Variants in SVOP observed in about 807,000 individuals in gnomAD.
The protein encoded by SVOP is synaptic vesicle 2-related protein.
SVOP carries 17 observed loss-of-function variants against 69.1 expected under a neutral mutation model. The observed-to-expected ratio is 0.25, with a 90% CI of 0.17 to 0.37. SVOP has a LOEUF of 0.37. SVOP is among the 10% of genes least tolerant of loss of function. SVOP has a pLI of 1.00. For synonymous variants in SVOP, 238 were observed against 238.6 expected (o/e 1.00, Z 0.02); for missense variants, 435 against 597.5 (o/e 0.73, Z 2.84).
chr12:108,959,890 C>T (rs1444831043), intron 6 of SVOP, among the ~76,000 whole-genome samples: 1 of 152,228 alleles, frequency 6.6e-6, no homozygotes, highest in Admixed American at 6.5e-5. Flanking sequence ...CCTATTCCAG[C>T]TCCTCCACCA....
intron 1 of SVOP, among the ~76,000 whole-genome samples, chr12:109,012,086 C>T (rs1389947902): frequency 1.3e-5 from 2 of 152,068 alleles, no homozygotes; most frequent in Non-Finnish European, 2.9e-5. Flanking sequence ...AGTTCAAGAC[C>T]AGCCTGGCTG....
intron 3 of SVOP, among the ~76,000 whole-genome samples, chr12:108,977,747 T>C (rs567559985): frequency 7.2e-5 from 11 of 152,084 alleles, no homozygotes; most frequent in Non-Finnish European, 1.0e-4. Context: ...TTAAAAAATA[T>C]GGGCATATCA....
At chr12:108,960,042 A>G (rs1167895752) in intron 6 of SVOP, among the ~76,000 whole-genome samples, 1 of 152,226 alleles carries the variant, frequency 6.6e-6, no homozygotes. Flanking sequence ...AACCGTTTAG[A>G]ACAGCACCTG....
At chr12:108,931,778 G>T (rs893363329) in intron 11 of SVOP, among the ~76,000 whole-genome samples, 1 of 151,616 alleles carries the variant, frequency 6.6e-6, no homozygotes, top group African/African-American at 2.4e-5. Context: ...AGCTTGCAGT[G>T]AGCCGAGATT....
chr12:109,000,002 CA>C (rs1437779967), intron 1 of SVOP, among the ~76,000 whole-genome samples: 3 of 150,032 alleles, frequency 2.0e-5, no homozygotes, highest in African/African-American at 7.3e-5. Context: ...AAAAACCCTT[CA>C]AAAAATTAAT....
intron 11 of SVOP, among the ~76,000 whole-genome samples, chr12:108,925,670 C>T (rs1166465831): frequency 1.3e-5 from 2 of 152,186 alleles, no homozygotes; most frequent in African/African-American, 4.8e-5. Flanking sequence ...ACTTCTTCCC[C>T]TGTTGCTCCA....
chr12:109,003,021 A>AC (rs1453881334), intron 1 of SVOP, among the ~76,000 whole-genome samples: 1 of 151,194 alleles, frequency 6.6e-6, no homozygotes, highest in Non-Finnish European at 1.5e-5. Flanking sequence ...AAATAAAAAA[A>AC]CAAGAAATGC....
intron 2 of SVOP, among the ~76,000 whole-genome samples, chr12:108,979,521 T>C (rs985855425): frequency 1.3e-5 from 2 of 152,198 alleles, no homozygotes; most frequent in East Asian, 1.9e-4. Context: ...GGATTACCGA[T>C]GTGAGCCACC....
chr12:108,943,788 T>A (rs571470757), intron 7 of SVOP, among the ~76,000 whole-genome samples: 8 of 151,156 alleles, frequency 5.3e-5, no homozygotes, highest in African/African-American at 1.5e-4. Context: ...TTCTTCTCCT[T>A]CTTCTTCTTC....
chr12:108,979,468 C>T (rs147680147), intron 2 of SVOP, among the ~76,000 whole-genome samples: 101,716 of 151,818 alleles, frequency 0.67, 34,574 homozygotes, highest in East Asian at 0.79. Flanking sequence ...TCTTGAACTC[C>T]TGAGCTCAAG....
intron 11 of SVOP, among the ~76,000 whole-genome samples, chr12:108,928,753 A>G (rs2039797728): frequency 6.6e-6 from 1 of 151,868 alleles, no homozygotes; most frequent in South Asian, 2.1e-4. Flanking sequence ...GTTTTGATAG[A>G]GACAGGGTTT....
chr12:108,915,872 C>A lies in SVOP; in HGVS notation c.1351G>T (p.Val451Phe). Reference protein sequence around the residue: ...FQAAYVYTPEVYPTATRALGL... With the variant: ...FQAAYVYTPEFYPTATRALGL... ...AGGGCCCGCGTTGCCGTGGGGTAGA[C>A]CTGAAACACAGCAGCCGGATATAGG... The change falls in exon 15 of 16, where the codon GTC becomes TTC. Residue 451 changes from valine (V) to phenylalanine (F), a missense_variant and splice_region_variant. By Grantham distance (50) the Val-to-Phe change is conservative (BLOSUM62 -1). Coordinates refer to ENST00000610966, the MANE Select transcript of SVOP (RefSeq NM_018711.5). 1 of 1,599,942 alleles carries A rather than the reference C, an allele frequency of 6.3e-7. No homozygotes were observed. The highest frequency in any genetic ancestry group is 8.5e-7 in the Non-Finnish European group (1 of 1,173,544).
At chr12:108,997,325 C>T (rs969508560) in intron 1 of SVOP, among the ~76,000 whole-genome samples, 25 of 152,258 alleles carry the variant, frequency 1.6e-4, no homozygotes, top group South Asian at 1.2e-3. Flanking sequence ...CACGGAGTCT[C>T]GCTGATTGCT....
At chr12:109,003,203 TG>T (rs1355767206) in intron 1 of SVOP, among the ~76,000 whole-genome samples, 2 of 152,112 alleles carry the variant, frequency 1.3e-5, no homozygotes, top group East Asian at 3.9e-4. Flanking sequence ...TGGTTTCTTC[TG>T]GGGAGGAGAA....
intron 6 of SVOP, among the ~76,000 whole-genome samples, chr12:108,960,542 T>C (rs2040012340): frequency 6.6e-6 from 1 of 152,066 alleles, no homozygotes; most frequent in Non-Finnish European, 1.5e-5. Context: ...TTACCCACCA[T>C]GTGATTCAGA....
intron 1 of SVOP, among the ~76,000 whole-genome samples, chr12:109,016,683 C>T (rs2040369345): frequency 6.6e-6 from 1 of 152,074 alleles, no homozygotes; most frequent in Non-Finnish European, 1.5e-5. Flanking sequence ...CTCAGGGAAG[C>T]CTTCCCTGAT....
intron 10 of SVOP, among the ~76,000 whole-genome samples, chr12:108,936,347 A>G (rs1167951584): frequency 6.6e-6 from 1 of 152,206 alleles, no homozygotes; most frequent in Non-Finnish European, 1.5e-5. Context: ...ACCAGCCCAT[A>G]TAGCAGAAAT....
chr12:108,961,821 T>C (rs895851707), intron 5 of SVOP, among the ~76,000 whole-genome samples: 7 of 152,234 alleles, frequency 4.6e-5, no homozygotes, highest in Non-Finnish European at 1.0e-4. Flanking sequence ...ATTTTATTAA[T>C]GACGTTTTAA....
At chr12:108,945,211 G>C (rs766768689) in intron 6 of SVOP, 45 bp from the exon 7 acceptor site, 37 of 1,527,408 alleles carry the variant, frequency 2.4e-5, no homozygotes, top group Middle Eastern at 1.7e-4. Context: ...ATCAGAACTG[G>C]GTGGGAAAAT....
Sources: allele counts gnomAD v4.1 joint callset (sites outside exome capture counted in the v4.1 genomes callset), GRCh38; gene constraint gnomAD v4.1.1; transcripts MANE v1.5; gene names NCBI Gene and HGNC (gene_info 2026-07-23, HGNC 2026-07-21).